Variants in PSME3IP1 observed in about 807,000 individuals in gnomAD.
PSME3IP1 encodes PSME3-interacting protein.
A neutral mutation model predicts 34.1 loss-of-function variants in PSME3IP1; 13 were observed. The ratio of observed to expected loss-of-function variants is 0.38; its 90% CI spans 0.25 to 0.61. The LOEUF is 0.61. PSME3IP1 is among the 20% of genes least tolerant of loss of function. The pLI is 0.60. For synonymous variants in PSME3IP1, 93 were observed against 114.3 expected (o/e 0.81, Z 1.19); for missense variants, 237 against 301.4 (o/e 0.79, Z 1.58).
rs117953955 is a variant in PSME3IP1 at position 57,162,841 on chromosome 16, G to A, written c.547+1160C>T. ...AAAAGATACATATTTACAATTGCTT[G>A]CACATGCATAGAATAGCTCTTGATG... On this transcript the variant is annotated intron_variant, in intron 6 of 6. Coordinates refer to ENST00000309137, the MANE Select transcript of PSME3IP1 (RefSeq NM_024946.4). Among the ~76,000 whole-genome samples the A allele has an allele frequency of 1.7e-4, 26 of 152,010 alleles. No individual in the cohort carries two copies. In the East Asian group the frequency reaches 4.3e-3, roughly 25 times the overall value.
rs2070228877 is a variant in PSME3IP1, at chr16:57,154,199, G to T, written c.*91C>A. The T allele has an allele frequency of 1.9e-6, 2 of 1,069,932 alleles. No homozygotes were observed. The highest frequency in any genetic ancestry group is 1.4e-6 in the Non-Finnish European group (1 of 722,480). 66.3% of individuals were successfully genotyped at this position (1,069,932 alleles called of 1,614,324 possible). On this transcript the variant is annotated 3_prime_UTR_variant, in exon 7 of 7. Transcript: ENST00000309137. This position sits in a 1 kb window ranked among gnomAD's most constrained non-coding sequence, Gnocchi z 4.0. ...TGTTGTACACAGGATGCAGGCAAAG[G>T]AGTTTTTTTTTGAGGGACATAATGC...
intron 1 of PSME3IP1, 75 bp from the exon 2 acceptor site, chr16:57,173,944 G>A (rs1338643646): frequency 7.0e-6 from 10 of 1,433,290 alleles, no homozygotes; most frequent in Non-Finnish European, 2.9e-6. Flanking sequence ...GAGAAACAAG[G>A]AGATTTAGCT....
At chr16:57,161,796 T>C (rs1463641827) in intron 6 of PSME3IP1, among the ~76,000 whole-genome samples, 2 of 151,820 alleles carry the variant, frequency 1.3e-5, no homozygotes, top group African/African-American at 4.8e-5. Context: ...CAGGTGGGAG[T>C]CACCGCGCCC....
chr16:57,167,148 T>A lies in PSME3IP1; in HGVS notation c.427A>T (p.Thr143Ser). The change falls in exon 5 of 7, where the codon ACC becomes TCC. Residue 143 changes from threonine to serine, a missense_variant. Thr to Ser is a moderately conservative substitution (Grantham distance 58). Transcript: ENST00000309137. Reference protein sequence around the residue: ...EKKLTVKPIETKNKFSQAKLL... With the variant: ...EKKLTVKPIESKNKFSQAKLL... Reference sequence around the variant, plus strand: ...TTCGCCTGGGAGAACTTGTTCTTGGTTTCTATAGGCTTCACAGTCAGTTTC... The same window carrying A: ...TTCGCCTGGGAGAACTTGTTCTTGGATTCTATAGGCTTCACAGTCAGTTTC... 1 of 1,614,222 alleles carries A rather than the reference T, an allele frequency of 6.2e-7. No individual in the cohort carries two copies.
chr16:57,154,138 TG>T lies in PSME3IP1; in HGVS notation c.*151del. 1 of 663,938 alleles carries T rather than the reference TG, an allele frequency of 1.5e-6. No individual in the cohort carries two copies. The highest frequency in any genetic ancestry group is 2.6e-6 in the Non-Finnish European group (1 of 391,364). 41.1% of individuals were successfully genotyped at this position (663,938 alleles called of 1,614,324 possible). A position where few individuals can be genotyped will look rare whatever the true frequency, so the allele number is the denominator to read the frequency against. The stretch of plus-strand genomic sequence containing the variant: ...CACGATTCGGGCCACAGGTGGATTC[TG>T]GCACATTTTTAGATTGGATTGGTTA... On this transcript the variant is annotated 3_prime_UTR_variant, in exon 7 of 7. Coordinates refer to ENST00000309137, the MANE Select transcript of PSME3IP1 (RefSeq NM_024946.4). The surrounding 1 kb of genome is among the most constrained non-coding windows in gnomAD (Gnocchi z 4.0).
At chr16:57,169,576 G>A (rs79946090) in intron 4 of PSME3IP1, among the ~76,000 whole-genome samples, 5,620 of 152,196 alleles carry the variant, frequency 0.037, 108 homozygotes, top group Middle Eastern at 0.11. Context: ...GAGCCTCATT[G>A]TACTGCAATG....
At chr16:57,164,410 T>C (rs1160885337) in intron 5 of PSME3IP1, among the ~76,000 whole-genome samples, 1 of 152,162 alleles carries the variant, frequency 6.6e-6, no homozygotes, top group African/African-American at 2.4e-5. Context: ...CATTTAGTAA[T>C]TACAGATTGA....
chr16:57,181,975 A>G (rs995910495), intron 1 of PSME3IP1, among the ~76,000 whole-genome samples: 2 of 152,086 alleles, frequency 1.3e-5, no homozygotes, highest in African/African-American at 4.8e-5. Flanking sequence ...ATGACTAATT[A>G]AACCAGTGAC....
chr16:57,174,346 A>G (rs2072971410), intron 1 of PSME3IP1: 1 of 663,704 alleles, frequency 1.5e-6, no homozygotes, highest in Admixed American at 6.3e-5. Context: ...TGATGAAAGC[A>G]CATGAATACA....
intron 6 of PSME3IP1, among the ~76,000 whole-genome samples, chr16:57,162,321 C>G (rs1267402438): frequency 1.3e-5 from 2 of 152,110 alleles, no homozygotes; most frequent in African/African-American, 2.4e-5. Context: ...CTGGAATTGT[C>G]ACAAAATATT....
At chr16:57,182,483 C>T (rs1293172641) in intron 1 of PSME3IP1, among the ~76,000 whole-genome samples, 1 of 125,936 alleles carries the variant, frequency 7.9e-6, no homozygotes, top group Non-Finnish European at 1.6e-5. Context: ...GAGGCTGAGA[C>T]TGGAGGACTG....
intron 6 of PSME3IP1, among the ~76,000 whole-genome samples, chr16:57,155,245 T>C (rs1258874318): frequency 6.6e-6 from 1 of 152,218 alleles, no homozygotes; most frequent in African/African-American, 2.4e-5. Flanking sequence ...CCATGCAGAA[T>C]GTCATCTAGG....
At chr16:57,185,242 C>G (rs758212771) in intron 1 of PSME3IP1, among the ~76,000 whole-genome samples, 1 of 152,168 alleles carries the variant, frequency 6.6e-6, no homozygotes, top group Non-Finnish European at 1.5e-5. Context: ...ACAGGTCTCC[C>G]CCTTTCCTCT....
intron 1 of PSME3IP1, among the ~76,000 whole-genome samples, chr16:57,181,056 A>C (rs112063577): frequency 1.3e-5 from 2 of 152,192 alleles, no homozygotes; most frequent in African/African-American, 4.8e-5. Context: ...AGGGGGAAAA[A>C]AAAGAAGTTA....
At chr16:57,182,782 T>C (rs1274691588) in intron 1 of PSME3IP1, among the ~76,000 whole-genome samples, 7 of 151,856 alleles carry the variant, frequency 4.6e-5, no homozygotes, top group South Asian at 4.2e-4. Flanking sequence ...TAGTAGCACA[T>C]GCCTGTAATC....
chr16:57,176,473 T>C (rs571398498), intron 1 of PSME3IP1, among the ~76,000 whole-genome samples: 2 of 152,344 alleles, frequency 1.3e-5, no homozygotes, highest in Non-Finnish European at 2.9e-5. Context: ...GACCACTGCA[T>C]TCCCTTCCTA....
At chr16:57,185,285 C>T (rs1356058979) in intron 1 of PSME3IP1, among the ~76,000 whole-genome samples, 4 of 152,254 alleles carry the variant, frequency 2.6e-5, no homozygotes, top group Non-Finnish European at 5.9e-5. Context: ...ACCACCAACT[C>T]TCAAGCATGA....
upstream of PSME3IP1, chr16:57,186,058 CG>C (rs1226771945): frequency 5.1e-6 from 5 of 985,398 alleles, no homozygotes; most frequent in Admixed American, 6.1e-5. Flanking sequence ...GCCCCACTTC[CG>C]GCGACGTAAC....
At chr16:57,181,212 C>T (rs1044713828) in intron 1 of PSME3IP1, among the ~76,000 whole-genome samples, 8 of 152,124 alleles carry the variant, frequency 5.3e-5, no homozygotes, top group Non-Finnish European at 1.2e-4. Flanking sequence ...TTCACATGCA[C>T]CTCTCTGAAT....
Sources: gnomAD v4.1 joint callset for allele counts (sites outside exome capture counted in the v4.1 genomes callset) on GRCh38, gnomAD v4.1.1 for gene constraint, Gnocchi (gnomAD v3.1) non-coding constraint, MANE v1.5 for transcripts, NCBI Gene and HGNC (gene_info 2026-07-23, HGNC 2026-07-21) for gene names.